ELMO1: variants seen among roughly 807,000 people sequenced by gnomAD.
ELMO1 encodes the protein engulfment and cell motility protein 1.
A neutral mutation model predicts 98.9 loss-of-function variants in ELMO1; 26 were observed. The ratio of observed to expected loss-of-function variants is 0.26; its 90% CI spans 0.19 to 0.36. The LOEUF is 0.36. ELMO1 is among the 10% of genes least tolerant of loss of function. ELMO1 has a pLI of 1.00. For missense variants in ELMO1, 627 were observed against 935.2 expected (o/e 0.67, Z 4.30); for synonymous variants, 346 against 346.0 (o/e 1.00, Z 0.00).
In ELMO1 at chr7:37,180,074, A is replaced by C. The variant is rs531270004; in HGVS notation, c.1086+31312T>G. 3.9e-5 allele frequency among the ~76,000 whole-genome samples: 6 copies of C among 152,258 alleles called. No individual in the cohort carries two copies. In the East Asian group the frequency reaches 1.2e-3, roughly 29 times the overall value. On this transcript the variant is annotated intron_variant, in intron 13 of 21. Transcript: ENST00000310758. ...ATATGAAAGAATGATTTTTAACCCA[A>C]AGGGCTGCACAATGTGCTTCTGCAT...
chr7:37,140,949 C>A (rs1041524706), intron 13 of ELMO1, among the ~76,000 whole-genome samples: 3 of 152,208 alleles, frequency 2.0e-5, no homozygotes, highest in Non-Finnish European at 2.9e-5. Context: ...TAAACTAGTA[C>A]AACCACTATA....
chr7:37,029,479 TCAAAACCAAAC>T (rs1258284086), intron 15 of ELMO1, among the ~76,000 whole-genome samples: 1 of 151,950 alleles, frequency 6.6e-6, no homozygotes, highest in African/African-American at 2.4e-5. Context: ...AGAAAGAGCC[TCAAAACCAAAC>T]CAAAACAACC....
At chr7:37,052,692 G>A (rs1024629940) in intron 15 of ELMO1, among the ~76,000 whole-genome samples, 1 of 152,176 alleles carries the variant, frequency 6.6e-6, no homozygotes, top group Non-Finnish European at 1.5e-5. Flanking sequence ...AGAGGTCACT[G>A]AATGGGGAAT....
chr7:37,194,234 T>C (rs968815347), intron 13 of ELMO1, among the ~76,000 whole-genome samples: 3 of 152,264 alleles, frequency 2.0e-5, no homozygotes, highest in Non-Finnish European at 2.9e-5. Context: ...ATTGGCCTTC[T>C]GGCTATCTCC....
chr7:37,187,412 C>G (rs1021384190), intron 13 of ELMO1, among the ~76,000 whole-genome samples: 2 of 151,988 alleles, frequency 1.3e-5, no homozygotes, highest in Non-Finnish European at 2.9e-5. Flanking sequence ...CTAAAAGCAC[C>G]CAAACTGTAC....
intron 13 of ELMO1, among the ~76,000 whole-genome samples, chr7:37,158,945 C>T (rs554754041): frequency 7.2e-5 from 11 of 152,228 alleles, no homozygotes; most frequent in African/African-American, 1.7e-4. Context: ...AAATGTGGCA[C>T]GTATACACCA....
chr7:37,375,810 C>T, intron 1 of ELMO1: 1 of 857,520 alleles, frequency 1.2e-6, no homozygotes, highest in Admixed American at 1.9e-5. Flanking sequence ...CTGTACACTG[C>T]AGCCGTCCAG....
intron 1 of ELMO1, among the ~76,000 whole-genome samples, chr7:37,386,000 G>A (rs560194457): frequency 3.9e-5 from 6 of 152,278 alleles, no homozygotes; most frequent in South Asian, 4.1e-4. Context: ...CTCCTCAACC[G>A]GAGAGCTCCA....
At chr7:37,256,551 A>G (rs995841252) in intron 6 of ELMO1, among the ~76,000 whole-genome samples, 2 of 115,124 alleles carry the variant, frequency 1.7e-5, no homozygotes, top group African/African-American at 7.4e-5. Context: ...AAGAAGGAAG[A>G]AAGGAAGGAA....
chr7:37,424,534 T>C (rs1804626302), intron 1 of ELMO1, among the ~76,000 whole-genome samples: 1 of 152,178 alleles, frequency 6.6e-6, no homozygotes, highest in South Asian at 2.1e-4. Context: ...CCTCAAGAAT[T>C]TGTCAATATT....
At chr7:36,862,406 A>C (rs1260550765) in intron 20 of ELMO1, among the ~76,000 whole-genome samples, 1 of 152,160 alleles carries the variant, frequency 6.6e-6, no homozygotes, top group African/African-American at 2.4e-5. Flanking sequence ...ATTGGTGAAA[A>C]CCTACGGAGT....
chr7:36,959,761 A>C (rs1222076687), intron 16 of ELMO1, among the ~76,000 whole-genome samples: 1 of 152,038 alleles, frequency 6.6e-6, no homozygotes, highest in East Asian at 1.9e-4. Flanking sequence ...GCTCACTGCA[A>C]CCTCTGCCTC....
chr7:37,301,692 T>C (rs1798357653), intron 4 of ELMO1, among the ~76,000 whole-genome samples: 1 of 152,154 alleles, frequency 6.6e-6, no homozygotes, highest in African/African-American at 2.4e-5. Flanking sequence ...TTGACTTTAA[T>C]CTTCAGACAT....
intron 15 of ELMO1, among the ~76,000 whole-genome samples, chr7:37,022,618 T>C (rs1794334573): frequency 6.6e-6 from 1 of 152,230 alleles, no homozygotes; most frequent in South Asian, 2.1e-4. Flanking sequence ...GGAATCATCA[T>C]CCACTGTTGA....
intron 4 of ELMO1, among the ~76,000 whole-genome samples, chr7:37,304,916 A>G (rs1167569983): frequency 6.6e-6 from 1 of 152,174 alleles, no homozygotes; most frequent in Non-Finnish European, 1.5e-5. Context: ...CGGTTATTGG[A>G]AAATGTGTCA....
At chr7:36,944,082 A>G (rs1787276816) in intron 16 of ELMO1, among the ~76,000 whole-genome samples, 1 of 152,208 alleles carries the variant, frequency 6.6e-6, no homozygotes, top group African/African-American at 2.4e-5. Context: ...ACAAGAACAC[A>G]TGCAGCTCTT....
At chr7:37,377,190 A>C (rs1802385640) in intron 1 of ELMO1, among the ~76,000 whole-genome samples, 1 of 152,170 alleles carries the variant, frequency 6.6e-6, no homozygotes, top group Admixed American at 6.5e-5. Context: ...AAAATTCAAA[A>C]TTTGAAGTAC....
At chr7:37,082,353 T>C (rs1797908418) in intron 15 of ELMO1, among the ~76,000 whole-genome samples, 1 of 151,910 alleles carries the variant, frequency 6.6e-6, no homozygotes, top group African/African-American at 2.4e-5. Context: ...GTTTAACTCC[T>C]CTCAAAAGAT....
chr7:37,177,426 C>T lies in ELMO1; in HGVS notation c.1086+33960G>A, dbSNP rs573733771. Among the ~76,000 whole-genome samples the T allele has an allele frequency of 3.9e-5, 6 of 152,180 alleles. No homozygotes were observed. In the South Asian group the frequency reaches 6.2e-4, roughly 16 times the overall value. On this transcript the variant is annotated intron_variant, in intron 13 of 21. Coordinates refer to ENST00000310758, the MANE Select transcript of ELMO1 (RefSeq NM_014800.11). ...AGCTAATTAAATTTCTTTGTTTTCC[C>T]CAATTGGAAGCATAGTAATTAGTAA...
Sources: gnomAD v4.1 joint callset for allele counts (sites outside exome capture counted in the v4.1 genomes callset) on GRCh38, gnomAD v4.1.1 for gene constraint, MANE v1.5 for transcripts, NCBI Gene and HGNC (gene_info 2026-07-23, HGNC 2026-07-21) for gene names.